The following UNC5A variants were observed in gnomAD, a reference collection of about 807,000 sequenced individuals.
The protein encoded by UNC5A is netrin receptor UNC5A.
UNC5A carries 20 observed loss-of-function variants against 87.4 expected under a neutral mutation model. The ratio of observed to expected loss-of-function variants is 0.23; its 90% CI spans 0.16 to 0.33. The LOEUF (loss-of-function observed/expected upper bound fraction) is 0.33, where lower values mean the gene tolerates loss of function less well. UNC5A is among the 10% of genes least tolerant of loss of function. The pLI is 1.00. For missense variants in UNC5A, 844 were observed against 1,133.4 expected, an observed-to-expected ratio of 0.74 and a Z score of 3.67; for synonymous variants, 438 against 482.3, an observed-to-expected ratio of 0.91 and a Z score of 1.20.
At chr5:176,830,908 G>T (rs1052599419) in intron 1 of UNC5A, among the ~76,000 whole-genome samples, 2 of 141,482 alleles carry the variant, frequency 1.4e-5, no homozygotes, top group African/African-American at 2.7e-5. Flanking sequence ...GTGTGTGTAT[G>T]TGCCGGCGTG....
chr5:176,872,819 T>C (rs1306613023), intron 6 of UNC5A, among the ~76,000 whole-genome samples: 2 of 90,804 alleles, frequency 2.2e-5, no homozygotes, highest in African/African-American at 4.4e-5. Context: ...CTGCCCACAC[T>C]CGCCCCAACA....
intron 4 of UNC5A, 43 bp downstream of exon 4, chr5:176,868,707 C>T: frequency 6.3e-7 from 1 of 1,588,762 alleles, no homozygotes; most frequent in Non-Finnish European, 8.6e-7. Flanking sequence ...TGGGCTCCTG[C>T]CTGGTCACCC....
chr5:176,837,003 C>T (rs750655930), intron 1 of UNC5A, among the ~76,000 whole-genome samples: 4 of 152,174 alleles, frequency 2.6e-5, no homozygotes, highest in African/African-American at 4.8e-5. Flanking sequence ...CCTGATACCC[C>T]GTCTCTGTGT....
At chr5:176,847,064 A>C (rs1015680065) in intron 1 of UNC5A, among the ~76,000 whole-genome samples, 1 of 151,510 alleles carries the variant, frequency 6.6e-6, no homozygotes, top group African/African-American at 2.4e-5. Context: ...TCCCCCTCTC[A>C]TTCCATTTGT....
rs910549331 is a variant in UNC5A at position 176,824,353 on chromosome 5, GCTGTTAACAGCCTT to G, written c.70+13535_70+13548del. ...GCAGCTTTTCTCAGTCCTGTGAGCT[GCTGTTAACAGCCTT>G]CCTGGCCCTAGATCCACAAACTTCC... On this transcript the variant is annotated intron_variant, in intron 1 of 14. Transcript: ENST00000329542. This position sits in a 1 kb window ranked among gnomAD's most constrained non-coding sequence, Gnocchi z 4.2. 6.6e-6 allele frequency among the ~76,000 whole-genome samples: 1 copy of G among 152,130 alleles called. No homozygotes were observed. The highest frequency in any genetic ancestry group is 2.4e-5 in the African/African-American group (1 of 41,440).
chr5:176,870,641 C>T (rs1217269632), intron 6 of UNC5A, 107 bp downstream of exon 6: 2 of 1,299,782 alleles, frequency 1.5e-6, no homozygotes, highest in Non-Finnish European at 1.0e-6. Context: ...AAGGCTGTAG[C>T]CTCTCCAGGC....
chr5:176,864,277 C>G (rs1331532378), intron 2 of UNC5A, among the ~76,000 whole-genome samples: 1 of 152,186 alleles, frequency 6.6e-6, no homozygotes, highest in Non-Finnish European at 1.5e-5. Context: ...TTGGGTGGCT[C>G]GGGTATGGAG....
intron 2 of UNC5A, among the ~76,000 whole-genome samples, chr5:176,864,278 G>C (rs1374901187): frequency 1.3e-5 from 2 of 152,180 alleles, no homozygotes; most frequent in African/African-American, 4.8e-5. Context: ...TGGGTGGCTC[G>C]GGTATGGAGC....
chr5:176,872,127 A>G (rs2917641), intron 6 of UNC5A, among the ~76,000 whole-genome samples: 2 of 49,096 alleles, frequency 4.1e-5, no homozygotes, highest in Non-Finnish European at 8.4e-5. Flanking sequence ...CCACAGCCTC[A>G]CATCTGCCCA....
In UNC5A at chr5:176,878,523, T is replaced by C; in HGVS notation, c.2068T>C (p.Cys690Arg). The C allele has an allele frequency of 6.2e-7, 1 of 1,613,228 alleles. No homozygotes were observed. Residue 690 changes from cysteine to arginine, a missense_variant, in exon 13 of 15, where the codon TGC becomes CGC. Cys to Arg is a radical substitution (Grantham distance 180, BLOSUM62 -3). Around this residue, in one of 3 missense-constraint regions of UNC5A, gnomAD observed 177 missense variants for 279.4 expected, o/e 0.63. Transcript: ENST00000329542. ...GAATGGCACGCAGCGGTACTTGCACTGCACCTTCACCCTGGAGCGTGTCAG... is the reference window on the plus strand; with the variant it reads ...GAATGGCACGCAGCGGTACTTGCACCGCACCTTCACCCTGGAGCGTGTCAG... Reference protein sequence around the residue: ...IWNGTQRYLHCTFTLERVSPS... With the variant: ...IWNGTQRYLHRTFTLERVSPS...
chr5:176,878,765 C>T (rs985572115), intron 13 of UNC5A, 126 bp downstream of exon 13: 14 of 1,289,964 alleles, frequency 1.1e-5, no homozygotes, highest in African/African-American at 1.5e-5. Context: ...CCCAGGCCCA[C>T]CTCCTCCTAG....
At chr5:176,854,206 C>T (rs1186592995) in intron 1 of UNC5A, among the ~76,000 whole-genome samples, 7 of 152,148 alleles carry the variant, frequency 4.6e-5, no homozygotes, top group Admixed American at 1.3e-4. Flanking sequence ...CTGTAGTCTC[C>T]GGTAGAGATT....
intron 2 of UNC5A, among the ~76,000 whole-genome samples, chr5:176,863,746 TCCTCCTCCCTCC>T (rs1158662132): frequency 2.4e-5 from 1 of 41,416 alleles, no homozygotes; most frequent in African/African-American, 9.7e-5. Context: ...CCCCTCCCTC[TCCTCCTCCCTCC>T]CCTCCTCCCC....
intron 10 of UNC5A, 23 bp from the exon 11 acceptor site, chr5:176,877,871 G>T: frequency 6.3e-7 from 1 of 1,585,990 alleles, no homozygotes. Flanking sequence ...GGGCCGAATT[G>T]ACCCACTGAC....
rs759051288 is a variant in UNC5A, at chr5:176,880,224, C to T, written c.*338C>T. The stretch of plus-strand genomic sequence containing the variant: ...CCTCTCCAGGGGCCCCGCATACACA[C>T]GGCCATGCACGCACACACTGGGCCT... On this transcript the variant is annotated 3_prime_UTR_variant, in exon 15 of 15. Coordinates refer to ENST00000329542, the MANE Select transcript of UNC5A (RefSeq NM_133369.3). 2.0e-5 allele frequency: 5 copies of T among 245,828 alleles called. No individual in the cohort carries two copies. The highest frequency in any genetic ancestry group is 6.3e-5 in the South Asian group (1 of 15,998). 15.2% of individuals were successfully genotyped at this position (245,828 alleles called of 1,614,324 possible).
Position 176,878,017 on chromosome 5 carries a change from G to T in UNC5A, c.1759G>T (p.Val587Leu), listed in dbSNP as rs148579650. 1 of 1,607,778 alleles carries T rather than the reference G, an allele frequency of 6.2e-7. No individual in the cohort carries two copies. The highest frequency in any genetic ancestry group is 8.5e-7 in the Non-Finnish European group (1 of 1,179,928). ...TGCCCTGGTGGGAGAGGCCCTCAGC[G>T]TGGCTGCCGCCAAGCGCCTCAAGCT... Reference protein sequence around the residue: ...RFALVGEALSVAAAKRLKLLL... With the variant: ...RFALVGEALSLAAAKRLKLLL... The change falls in exon 11 of 15, where the codon GTG becomes TTG. Residue 587 changes from valine to leucine, a missense_variant. Around this residue, in one of 3 missense-constraint regions of UNC5A, gnomAD observed 353 missense variants for 387.5 expected, o/e 0.91. Coordinates refer to ENST00000329542, the MANE Select transcript of UNC5A (RefSeq NM_133369.3).
intron 1 of UNC5A, among the ~76,000 whole-genome samples, chr5:176,860,176 A>T (rs1205405994): frequency 6.6e-6 from 1 of 152,152 alleles, no homozygotes; most frequent in Non-Finnish European, 1.5e-5. Flanking sequence ...CTGTTAAGGG[A>T]TGTGGCACAG....
chr5:176,870,031 G>A (rs1197225359), intron 5 of UNC5A, among the ~76,000 whole-genome samples: 1 of 152,198 alleles, frequency 6.6e-6, no homozygotes, highest in Non-Finnish European at 1.5e-5. Flanking sequence ...AGGGTCTAGG[G>A]CTCAGCCCAG....
At chr5:176,817,835 C>T (rs1001027242) in intron 1 of UNC5A, among the ~76,000 whole-genome samples, 4 of 151,762 alleles carry the variant, frequency 2.6e-5, no homozygotes, top group Non-Finnish European at 5.9e-5. Context: ...CGCCCGGGGA[C>T]GTCCAGGCCG....
Sources: gnomAD v4.1 joint callset for allele counts (sites outside exome capture counted in the v4.1 genomes callset) on GRCh38, gnomAD v4.1.1 for gene constraint, gnomAD v4.1.1 regional missense constraint, Gnocchi (gnomAD v3.1) non-coding constraint, MANE v1.5 for transcripts, NCBI Gene and HGNC (gene_info 2026-07-23, HGNC 2026-07-21) for gene names.